Variants in UPK3B observed in about 807,000 individuals in gnomAD.
UPK3B encodes the protein uroplakin-3b.
A neutral mutation model predicts 27.6 loss-of-function variants in UPK3B; 21 were observed. The observed-to-expected ratio is 0.76, with a 90% CI of 0.54 to 1.10. The LOEUF is 1.10. Among genes scored for constraint, UPK3B ranks in the 50% least tolerant of loss-of-function variants. The pLI is 0.00. For missense variants in UPK3B, 306 were observed against 376.1 expected (o/e 0.81, Z 1.54); for synonymous variants, 141 against 162.3 (o/e 0.87, Z 1.00).
In UPK3B at chr7:76,516,425, C is replaced by T. The variant is rs556511341; in HGVS notation, c.*1221C>T. 4.7e-5 allele frequency: 29 copies of T among 612,374 alleles called. 12 individuals are homozygous for T. Among genetic ancestry groups the T allele is most frequent in the African/African-American group, 8.9e-5 (2 of 22,502 alleles). 37.9% of individuals were successfully genotyped at this position (612,374 alleles called of 1,614,324 possible). The stretch of plus-strand genomic sequence containing the variant: ...GCTCCCGGACCTTCTAATGTGACCA[C>T]GGCTCCCGGCATGCAGGCCCTGCCA... On this transcript the variant is annotated 3_prime_UTR_variant, in exon 6 of 6. Coordinates refer to ENST00000334348, the MANE Select transcript of UPK3B (RefSeq NM_001347684.2).
Position 76,511,075 on chromosome 7 carries a change from T to C in UPK3B, c.235+23T>C, listed in dbSNP as rs762698435. 75 of 1,569,870 alleles carry C rather than the reference T, an allele frequency of 4.8e-5. No individual in the cohort carries two copies. The Admixed American group carries it at 1.3e-3, about 27-fold the overall frequency. On this transcript the variant is annotated intron_variant, in intron 2 of 5. Coordinates refer to ENST00000334348, the MANE Select transcript of UPK3B (RefSeq NM_001347684.2). ...ATGGTACGGGGACTGCTGTGGGGCC[T>C]GGGTGAGGGTGACGGCTGAGGAGAG...
rs1368470459 is a variant in UPK3B, at chr7:76,513,264, C to A, written c.541+101C>A. On this transcript the variant is annotated intron_variant, in intron 4 of 5. Transcript: ENST00000334348. ...ACCCCTGCTCCCACAGGGCTGGGGG[C>A]CTGGAGGCCATGTCCAAGTCGGGCC... The A allele has an allele frequency of 4.3e-6, 5 of 1,159,702 alleles. 1 individual carries two copies. In the African/African-American group the frequency reaches 6.1e-5, roughly 14 times the overall value. 71.8% of individuals were successfully genotyped at this position (1,159,702 alleles called of 1,614,324 possible).
Position 76,515,379 on chromosome 7 carries a change from C to G in UPK3B, c.*175C>G. 1 of 1,497,616 alleles carries G rather than the reference C, an allele frequency of 6.7e-7. No homozygotes were observed. The highest frequency in any genetic ancestry group is 8.9e-7 in the Non-Finnish European group (1 of 1,125,920). The allele number at this position is 1,497,616 out of a possible 1,614,324, so 92.8% of individuals were successfully genotyped here. A position where few individuals can be genotyped will look rare whatever the true frequency, so the allele number is the denominator to read the frequency against. The stretch of plus-strand genomic sequence containing the variant: ...ACCAGCCCCCCTGCCTCTCCTCTGC[C>G]TTTCTGGTTTCTCTCCCTCTCCAAG... On this transcript the variant is annotated 3_prime_UTR_variant, in exon 6 of 6. Coordinates refer to ENST00000334348, the MANE Select transcript of UPK3B (RefSeq NM_001347684.2).
In UPK3B at chr7:76,515,840, G is replaced by A; in HGVS notation, c.*636G>A. ...ATCCACCCCCTCAAGCATTTATTAA[G>A]CATCTGCTGTATGCTACATACAGTG... On this transcript the variant is annotated 3_prime_UTR_variant, in exon 6 of 6. Coordinates refer to ENST00000334348, the MANE Select transcript of UPK3B (RefSeq NM_001347684.2). The A allele has an allele frequency of 1.8e-5, 11 of 611,478 alleles. 4 individuals are homozygous for A. The highest frequency in any genetic ancestry group is 2.1e-5 in the Non-Finnish European group (11 of 530,036). The allele number at this position is 611,478 out of a possible 1,614,324, so 37.9% of individuals were successfully genotyped here.
In UPK3B at chr7:76,516,042, T is replaced by A; in HGVS notation, c.*838T>A. On this transcript the variant is annotated 3_prime_UTR_variant, in exon 6 of 6. Coordinates refer to ENST00000334348, the MANE Select transcript of UPK3B (RefSeq NM_001347684.2). ...GAGCCTCCATCACCTGGAAGGACCC[T>A]CTGTGCAAAACCTCAAGCGTCCATC... 1.6e-6 allele frequency: 1 copy of A among 609,448 alleles called. No homozygotes were observed. Among genetic ancestry groups the A allele is most frequent in the Non-Finnish European group, 1.9e-6 (1 of 529,152 alleles). 37.8% of individuals were successfully genotyped at this position (609,448 alleles called of 1,614,324 possible).
Position 76,516,502 on chromosome 7 carries a change from A to AT in UPK3B, c.*1299dup, listed in dbSNP as rs1812725944. On this transcript the variant is annotated 3_prime_UTR_variant, in exon 6 of 6. Coordinates refer to ENST00000334348, the MANE Select transcript of UPK3B (RefSeq NM_001347684.2). Reference sequence around the variant, plus strand: ...GGTCTGCAGCCCTCTTTGGAGGTGAATAAATGCGGTCTGGAGCCCACCCTG... The same window carrying AT: ...GGTCTGCAGCCCTCTTTGGAGGTGAATTAAATGCGGTCTGGAGCCCACCCTG... The AT allele has an allele frequency of 3.3e-6, 2 of 611,432 alleles. No homozygotes were observed. Among genetic ancestry groups the AT allele is most frequent in the Middle Eastern group, 1.1e-3 (1 of 874 alleles). 37.9% of individuals were successfully genotyped at this position (611,432 alleles called of 1,614,324 possible).
chr7:76,514,711 G>A (rs1812666098), intron 5 of UPK3B, among the ~76,000 whole-genome samples: 2 of 152,082 alleles, frequency 1.3e-5, no homozygotes, highest in South Asian at 4.1e-4. Context: ...TTCAAGACCA[G>A]CCTGAGCAAC....
At chr7:76,513,786 G>C (rs940155095) in intron 4 of UPK3B, among the ~76,000 whole-genome samples, 161 bp from the exon 5 acceptor site, 1 of 151,716 alleles carries the variant, frequency 6.6e-6, no homozygotes, top group African/African-American at 2.4e-5. Flanking sequence ...GTGCCGTCCC[G>C]AGGAAGAGGG....
intron 4 of UPK3B, among the ~76,000 whole-genome samples, 197 bp from the exon 5 acceptor site, chr7:76,513,750 G>A (rs952728853): frequency 3.3e-5 from 5 of 151,884 alleles, no homozygotes; most frequent in African/African-American, 1.2e-4. Flanking sequence ...GGAGGCTGTG[G>A]TCCAGGCTGG....
In UPK3B at chr7:76,515,407, T is replaced by A; in HGVS notation, c.*203T>A. ...TCTGGTTTCTCTCCCTCTCCAAGCA[T>A]CTGTAAGTTGCACTCAGGAGGGTTT... On this transcript the variant is annotated 3_prime_UTR_variant, in exon 6 of 6. Transcript: ENST00000334348. 6.7e-7 allele frequency: 1 copy of A among 1,502,152 alleles called. No individual in the cohort carries two copies. Among genetic ancestry groups the A allele is most frequent in the Non-Finnish European group, 8.9e-7 (1 of 1,129,662 alleles). The allele number at this position is 1,502,152 out of a possible 1,614,324, so 93.1% of individuals were successfully genotyped here.
rs528513740 is a variant in UPK3B, at chr7:76,514,920, A to G, written c.672-125A>G. ...GACTCCATCTCAAAAAAAAAAAAAA[A>G]AAAAGAAAAGAGAGAGAGAGAGACT... On this transcript the variant is annotated intron_variant, in intron 5 of 5. Coordinates refer to ENST00000334348, the MANE Select transcript of UPK3B (RefSeq NM_001347684.2). 498 of 1,276,256 alleles carry G rather than the reference A, an allele frequency of 3.9e-4. 4 individuals carry two copies. Among genetic ancestry groups the G allele is most frequent in the Middle Eastern group, 2.9e-3 (11 of 3,814 alleles). 79.1% of individuals were successfully genotyped at this position (1,276,256 alleles called of 1,614,324 possible). A position where few individuals can be genotyped will look rare whatever the true frequency, so the allele number is the denominator to read the frequency against.
In UPK3B at chr7:76,514,038, C is replaced by T; in HGVS notation, c.633C>T (p.Leu211=). The change falls in exon 5 of 6, where the codon CTC becomes CTT. Residue 211 remains leucine (L), a synonymous_variant. Transcript: ENST00000334348. ...CCATCCTCTCTTCTCTGGCCGGCCT[C>T]CTACTCTTGGCCTTCTTGGCAGCCT... ...ITSILSSLAG[L]LLLAFLAAST... 1.2e-6 allele frequency: 2 copies of T among 1,614,046 alleles called. No individual in the cohort carries two copies. The highest frequency in any genetic ancestry group is 1.7e-6 in the Non-Finnish European group (2 of 1,179,966).
Position 76,510,590 on chromosome 7 carries a change from G to C in UPK3B, c.-63G>C. 7.3e-7 allele frequency: 1 copy of C among 1,369,776 alleles called. No homozygotes were observed. Among genetic ancestry groups the C allele is most frequent in the Admixed American group, 2.9e-5 (1 of 34,678 alleles). The allele number at this position is 1,369,776 out of a possible 1,614,324, so 84.9% of individuals were successfully genotyped here. ...AGCTTCTCCAGGGCCAAGCTGTTGG[G>C]GGTGAGGTGCAGCCCGAAGCAGCCA... On this transcript the variant is annotated 5_prime_UTR_variant, in exon 1 of 6. Transcript: ENST00000334348.
At position 76,510,666 on chromosome 7, in the gene UPK3B, G is replaced by A; in HGVS notation, c.14G>A (p.Trp5Ter). ...CTGGCAGCTGTCATGGGGCTACCCT[G>A]GGGGCAGCCTCACCTAGGGCTGCAG... The part of the protein sequence containing the change: MGLP[W>*]GQPHLGLQML... The change falls in exon 1 of 6, where the codon TGG becomes TAG. Residue 5 changes from tryptophan to a stop codon, truncating the protein, a stop_gained. Coordinates refer to ENST00000334348, the MANE Select transcript of UPK3B (RefSeq NM_001347684.2). LOFTEE classifies it high-confidence loss of function. 6.7e-7 allele frequency: 1 copy of A among 1,489,822 alleles called. No individual in the cohort carries two copies. The highest frequency in any genetic ancestry group is 1.4e-5 in the South Asian group (1 of 70,632). 92.3% of individuals were successfully genotyped at this position (1,489,822 alleles called of 1,614,324 possible). A position where few individuals can be genotyped will look rare whatever the true frequency, so the allele number is the denominator to read the frequency against.
chr7:76,513,678 C>T (rs1490386109), intron 4 of UPK3B, among the ~76,000 whole-genome samples: 8 of 151,948 alleles, frequency 5.3e-5, no homozygotes, highest in Admixed American at 4.6e-4. Context: ...CTGCTGGGCT[C>T]CAGGGAGCAG....
chr7:76,515,217 G>C lies in UPK3B; in HGVS notation c.*13G>C. The C allele has an allele frequency of 6.3e-7, 1 of 1,589,530 alleles. No individual in the cohort carries two copies. Among genetic ancestry groups the C allele is most frequent in the Admixed American group, 1.8e-5 (1 of 56,626 alleles). The stretch of plus-strand genomic sequence containing the variant: ...CCTCAGCCCCTAGCCTGGCCTCTTT[G>C]CATGGGGCTGGGGGAGATGGGGCGC... On this transcript the variant is annotated 3_prime_UTR_variant, in exon 6 of 6. Transcript: ENST00000334348.
At chr7:76,513,281 A>G (rs1812599597) in intron 4 of UPK3B, 118 bp downstream of exon 4, 1 of 966,430 alleles carries the variant, frequency 1.0e-6, no homozygotes, top group Non-Finnish European at 1.6e-6. Context: ...GCCATGTCCA[A>G]GTCGGGCCCA....
At chr7:76,512,376 G>T (rs564757854) in intron 3 of UPK3B, among the ~76,000 whole-genome samples, 47 of 150,364 alleles carry the variant, frequency 3.1e-4, no homozygotes, top group Admixed American at 1.6e-3. Flanking sequence ...ACAGGAGGAG[G>T]CGGGGTGACC....
In UPK3B at chr7:76,515,067, G is replaced by A; in HGVS notation, c.694G>A (p.Glu232Lys). 6.3e-7 allele frequency: 1 copy of A among 1,592,874 alleles called. No individual in the cohort carries two copies. Residue 232 changes from glutamate (E) to lysine (K), a missense_variant, in exon 6 of 6, where the codon GAG becomes AAG. Physicochemically the swap from Glu to Lys is moderately conservative, Grantham distance 56 (BLOSUM62 1). This residue lies in a region of UPK3B where 174 missense variants were observed against 166.6 expected (regional missense o/e 1.04). Transcript: ENST00000334348. ...MRFSSLWWPEEAPEQLRIGSF... is the reference protein window; with the variant it reads ...MRFSSLWWPEKAPEQLRIGSF... ...CAGCTCCAGCCTGTGGTGGCCGGAG[G>A]AGGCCCCGGAGCAGCTGCGGATCGG...
Sources: gnomAD v4.1 joint callset for allele counts (sites outside exome capture counted in the v4.1 genomes callset) on GRCh38, gnomAD v4.1.1 for gene constraint, gnomAD v4.1.1 regional missense constraint, MANE v1.5 for transcripts, NCBI Gene and HGNC (gene_info 2026-07-23, HGNC 2026-07-21) for gene names.